The following YME1L1 variants were observed in gnomAD, a reference collection of about 807,000 sequenced individuals.
YME1L1 encodes the protein YME1 like 1 ATPase.
In YME1L1, 39 loss-of-function variants were observed where a neutral mutation model predicts 90.4. That is an observed-to-expected ratio of 0.43 (90% confidence interval 0.33 to 0.56). The LOEUF (loss-of-function observed/expected upper bound fraction) is 0.56. YME1L1 is among the 20% of genes least tolerant of loss of function. The probability of loss-of-function intolerance (pLI) is 0.03; values close to 1 mark genes in which losing one functional copy is unlikely to be tolerated. For synonymous variants in YME1L1, 284 were observed against 287.3 expected (o/e 0.99, Z 0.12); for missense variants, 617 against 868.4 (o/e 0.71, Z 3.64).
chr10:27,130,318 G>A (rs1484933917), intron 8 of YME1L1, among the ~76,000 whole-genome samples: 2 of 152,096 alleles, frequency 1.3e-5, no homozygotes, highest in Non-Finnish European at 2.9e-5. Context: ...TAAGTGCTCT[G>A]TAACTCGGTA....
Position 27,131,844 on chromosome 10 carries a change from A to G in YME1L1, c.858+15T>C, listed in dbSNP as rs1194817914. 1 of 1,592,580 alleles carries G rather than the reference A, an allele frequency of 6.3e-7. No homozygotes were observed. Among genetic ancestry groups the G allele is most frequent in the African/African-American group, 1.4e-5 (1 of 74,050 alleles). ...GAGGATGTATGAAGAAGGCAAGGCA[A>G]TCTTCTTAACTTACCCCTTTAACAT... On this transcript the variant is annotated intron_variant, in intron 8 of 18. Coordinates refer to ENST00000376016, the MANE Select transcript of YME1L1 (RefSeq NM_014263.4).
At chr10:27,148,638 CT>C (rs2057172278) in intron 2 of YME1L1, among the ~76,000 whole-genome samples, 1 of 152,118 alleles carries the variant, frequency 6.6e-6, no homozygotes, top group African/African-American at 2.4e-5. Context: ...TTATGATTTT[CT>C]TAATAACATT....
At position 27,134,141 on chromosome 10, in the gene YME1L1, G is replaced by A. The variant is rs753868504; in HGVS notation, c.692-19C>T. ...AGGGAATCTAGGAGAGAAAGAAAAA[G>A]CTTTACATGAAATCACATTTATGAA... is the stretch of plus-strand genomic sequence containing the variant. On this transcript the variant is annotated intron_variant, in intron 6 of 18. Coordinates refer to ENST00000376016, the MANE Select transcript of YME1L1 (RefSeq NM_014263.4). The A allele has an allele frequency of 6.4e-6, 10 of 1,560,562 alleles. No individual in the cohort carries two copies. The highest frequency in any genetic ancestry group is 8.8e-6 in the Non-Finnish European group (10 of 1,141,116).
Position 27,119,218 on chromosome 10 carries a change from A to T in YME1L1, c.1567+76T>A. On this transcript the variant is annotated intron_variant, in intron 14 of 18. Coordinates refer to ENST00000376016, the MANE Select transcript of YME1L1 (RefSeq NM_014263.4). ...CATAGCCATGGCTTTAGCTGTTTGA[A>T]TAGAGTATTTGCCCCTAAATGAATT... is the stretch of plus-strand genomic sequence containing the variant. 2.9e-6 allele frequency: 4 copies of T among 1,380,618 alleles called. 1 individual carries two copies. The South Asian group carries it at 4.7e-5, about 16-fold the overall frequency. 85.5% of individuals were successfully genotyped at this position (1,380,618 alleles called of 1,614,324 possible).
At chr10:27,147,608 A>G (rs1193615652) in intron 2 of YME1L1, 6 of 1,563,682 alleles carry the variant, frequency 3.8e-6, no homozygotes, top group East Asian at 2.4e-5. Flanking sequence ...TACCCTTCGA[A>G]TATTTTTCCT....
intron 1 of YME1L1, among the ~76,000 whole-genome samples, chr10:27,151,880 TA>T (rs66765649): frequency 0.23 from 31,598 of 136,958 alleles, 3,520 homozygotes; most frequent in East Asian, 0.42. Context: ...GACTCCATCT[TA>T]AAAAAAAAAA....
At chr10:27,125,458 GAA>G (rs68143135) in intron 9 of YME1L1, among the ~76,000 whole-genome samples, 1 of 107,708 alleles carries the variant, frequency 9.3e-6, no homozygotes, top group Non-Finnish European at 1.8e-5. Context: ...TGTTTCATTT[GAA>G]AAAAAAAAAA....
rs763414560 is a variant in YME1L1, at chr10:27,145,471, A to G, written c.288T>C (p.His96=). 2 of 1,613,504 alleles carry G rather than the reference A, an allele frequency of 1.2e-6. No individual in the cohort carries two copies. Among genetic ancestry groups the G allele is most frequent in the Non-Finnish European group, 8.5e-7 (1 of 1,179,600 alleles). Residue 96 remains histidine (H), a synonymous_variant, in exon 3 of 19, where the codon CAT becomes CAC. Transcript: ENST00000376016. ...AGGATTGTGCAGAGACATGGGATGT[A>G]TGCCAATGGGAAGAAATGTTTTTGC... ...CKGKNISSHW[H]TSHVSAQSFF... is the part of the protein sequence containing the mutation.
chr10:27,139,260 T>A (rs532827626), intron 4 of YME1L1, among the ~76,000 whole-genome samples: 31 of 152,188 alleles, frequency 2.0e-4, no homozygotes, highest in African/African-American at 7.2e-4. Context: ...GGTGGCATGA[T>A]CATAGCTCAC....
In YME1L1 at chr10:27,120,417, GTTTGT is replaced by G. The variant is rs766699236; in HGVS notation, c.1411+13_1411+17del. The G allele has an allele frequency of 5.3e-5, 84 of 1,570,650 alleles. No homozygotes were observed. Among genetic ancestry groups the G allele is most frequent in the Middle Eastern group, 1.7e-4 (1 of 5,944 alleles). ...TTACCACTTTACAGAAATGACAAATGTTTGTTTTGATACTTACATTGATCAAACTT... is the reference window on the plus strand; with the variant it reads ...TTACCACTTTACAGAAATGACAAATGTTTGATACTTACATTGATCAAACTT... On this transcript the variant is annotated intron_variant, in intron 13 of 18. Coordinates refer to ENST00000376016, the MANE Select transcript of YME1L1 (RefSeq NM_014263.4).
intron 8 of YME1L1, among the ~76,000 whole-genome samples, chr10:27,127,404 G>A (rs191937606): frequency 4.6e-4 from 70 of 152,192 alleles, no homozygotes; most frequent in Admixed American, 3.9e-3. Flanking sequence ...CAGGAGAAGC[G>A]TGTACATATG....
At chr10:27,130,205 C>A (rs2056962569) in intron 8 of YME1L1, among the ~76,000 whole-genome samples, 2 of 152,192 alleles carry the variant, frequency 1.3e-5, no homozygotes, top group South Asian at 2.1e-4. Context: ...CTCCCCTCAT[C>A]ATAGAAATAT....
At chr10:27,147,360 A>G (rs1237727077) in intron 2 of YME1L1, 1 of 1,480,596 alleles carries the variant, frequency 6.8e-7, no homozygotes, top group Non-Finnish European at 9.3e-7. Flanking sequence ...AAACAAACAA[A>G]CAAAGAAACT....
intron 18 of YME1L1, among the ~76,000 whole-genome samples, chr10:27,113,260 A>AAAAAAAAAT (rs1564453902): frequency 9.0e-6 from 1 of 111,616 alleles, no homozygotes; most frequent in African/African-American, 3.3e-5. Flanking sequence ...AAAAAAAAAA[A>AAAAAAAAAT]AAAGACCTGC....
intron 1 of YME1L1, among the ~76,000 whole-genome samples, chr10:27,152,556 A>T (rs145225516): frequency 6.4e-4 from 98 of 152,320 alleles, no homozygotes; most frequent in Non-Finnish European, 1.1e-3. Context: ...AGGCCTCTTG[A>T]TGTGAACTAA....
chr10:27,147,821 C>T (rs1432141183), intron 2 of YME1L1, among the ~76,000 whole-genome samples: 1 of 152,202 alleles, frequency 6.6e-6, no homozygotes, highest in Non-Finnish European at 1.5e-5. Context: ...CCAGCAGGAC[C>T]TAGCAGCTTC....
chr10:27,151,813 G>A (rs1453719687), intron 1 of YME1L1, among the ~76,000 whole-genome samples: 2 of 151,686 alleles, frequency 1.3e-5, no homozygotes, highest in African/African-American at 2.4e-5. Flanking sequence ...CCTGGGAGGC[G>A]GAGCTTGCAG....
At chr10:27,121,594 A>G in intron 11 of YME1L1, 146 bp from the exon 12 acceptor site, 1 of 587,632 alleles carries the variant, frequency 1.7e-6, no homozygotes, top group Non-Finnish European at 3.1e-6. Flanking sequence ...GTATGATCAT[A>G]GCTCACTGCT....
intron 1 of YME1L1, among the ~76,000 whole-genome samples, chr10:27,153,807 A>C (rs1440731255): frequency 3.3e-5 from 5 of 152,216 alleles, no homozygotes; most frequent in Non-Finnish European, 7.4e-5. Flanking sequence ...GGAAAGTCGG[A>C]AAAAAGGGAA....
Sources: gnomAD v4.1 joint callset for allele counts (sites outside exome capture counted in the v4.1 genomes callset) on GRCh38, gnomAD v4.1.1 for gene constraint, MANE v1.5 for transcripts, NCBI Gene and HGNC (gene_info 2026-07-23, HGNC 2026-07-21) for gene names.